The following SLC39A11 variants were observed in gnomAD, a reference collection of about 807,000 sequenced individuals.
The protein encoded by SLC39A11 is zinc transporter ZIP11.
Under a neutral mutation model 36.1 loss-of-function variants are expected in SLC39A11, and 33 were observed. The observed-to-expected ratio is 0.91, with a 90% CI of 0.69 to 1.22. The LOEUF (loss-of-function observed/expected upper bound fraction) is 1.22, where lower values mean the gene tolerates loss of function less well. SLC39A11 is among the 50% of genes most tolerant of loss of function. SLC39A11 has a pLI of 0.00. For synonymous variants in SLC39A11, 166 were observed against 170.3 expected, an observed-to-expected ratio of 0.97 and a Z score of 0.20; for missense variants, 432 against 430.3, an observed-to-expected ratio of 1.00 and a Z score of -0.03.
At chr17:72,715,876 G>C (rs113446849) in intron 7 of SLC39A11, among the ~76,000 whole-genome samples, 3 of 151,770 alleles carry the variant, frequency 2.0e-5, no homozygotes, top group African/African-American at 7.3e-5. Flanking sequence ...TTTGTATTTT[G>C]AGTAGAGACG....
rs577374891 is a variant in SLC39A11 at position 72,806,213 on chromosome 17, C to G, written c.601+43421G>C. On this transcript the variant is annotated intron_variant, in intron 6 of 9. Transcript: ENST00000255559. ...GGTTTATCCTGGCCGCCCCCTCAGC[C>G]GTTACTTTTCCTAGCCAATCTTCAA... 2.0e-5 allele frequency among the ~76,000 whole-genome samples: 3 copies of G among 152,128 alleles called. No homozygotes were observed. The East Asian group carries it at 5.8e-4, about 29-fold the overall frequency.
chr17:72,801,897 A>C (rs2145238384), intron 6 of SLC39A11, among the ~76,000 whole-genome samples: 1 of 152,332 alleles, frequency 6.6e-6, no homozygotes, highest in South Asian at 2.1e-4. Flanking sequence ...AAAAACTTTA[A>C]AACTTTATGA....
At chr17:73,092,278 G>C (rs1242745015) in intron 1 of SLC39A11, 1 of 152,170 alleles carries the variant, frequency 6.6e-6, no homozygotes, top group Non-Finnish European at 1.5e-5. Flanking sequence ...CAGGAATCCC[G>C]GGTACCCCCA....
At chr17:72,668,195 A>C (rs779206840) in intron 7 of SLC39A11, among the ~76,000 whole-genome samples, 1 of 138,060 alleles carries the variant, frequency 7.2e-6, no homozygotes, top group Non-Finnish European at 1.6e-5. Flanking sequence ...GCTGTTTAAG[A>C]ATCTTTTAAA....
intron 6 of SLC39A11, among the ~76,000 whole-genome samples, chr17:72,841,568 C>T (rs1375965300): frequency 1.3e-5 from 2 of 151,554 alleles, no homozygotes; most frequent in East Asian, 3.9e-4. Flanking sequence ...GTCGGGGAGT[C>T]GGGGGAAAGT....
chr17:72,974,957 G>A (rs905800931), intron 4 of SLC39A11, among the ~76,000 whole-genome samples: 26 of 152,150 alleles, frequency 1.7e-4, no homozygotes, highest in African/African-American at 5.3e-4. Flanking sequence ...TTGTAGCCTC[G>A]GAGCAATAGG....
chr17:73,051,563 C>T (rs1160764806), intron 3 of SLC39A11, among the ~76,000 whole-genome samples: 2 of 150,412 alleles, frequency 1.3e-5, no homozygotes, highest in Non-Finnish European at 3.0e-5. Context: ...GAGGGGGAGC[C>T]GTCAAGAGTT....
At chr17:72,868,573 G>A (rs991058609) in intron 5 of SLC39A11, among the ~76,000 whole-genome samples, 2 of 116,962 alleles carry the variant, frequency 1.7e-5, no homozygotes, top group African/African-American at 6.5e-5. Context: ...CTTGAGACCA[G>A]TAGTTCAAGA....
intron 8 of SLC39A11, 23 bp from the exon 9 acceptor site, chr17:72,648,984 T>C: frequency 6.2e-7 from 1 of 1,601,224 alleles, no homozygotes; most frequent in Non-Finnish European, 8.5e-7. Flanking sequence ...CAGAGACATT[T>C]ACCACCGCAG....
intron 6 of SLC39A11, among the ~76,000 whole-genome samples, chr17:72,778,601 G>C (rs1044459170): frequency 6.6e-6 from 1 of 152,224 alleles, no homozygotes; most frequent in Non-Finnish European, 1.5e-5. Flanking sequence ...ATGATGGCCT[G>C]AGACATCTTG....
At chr17:72,776,789 T>C (rs1040910322) in intron 6 of SLC39A11, among the ~76,000 whole-genome samples, 4 of 152,002 alleles carry the variant, frequency 2.6e-5, no homozygotes, top group Admixed American at 6.6e-5. Context: ...ACTTTACAGG[T>C]AGAAAAATAG....
At chr17:73,052,140 G>T (rs886337355) in intron 3 of SLC39A11, among the ~76,000 whole-genome samples, 7 of 150,374 alleles carry the variant, frequency 4.7e-5, no homozygotes, top group Non-Finnish European at 1.0e-4. Context: ...TTAAGTGCAA[G>T]CCCCCCAGTG....
intron 7 of SLC39A11, among the ~76,000 whole-genome samples, chr17:72,680,566 C>T (rs1003612773): frequency 3.3e-5 from 5 of 152,316 alleles, no homozygotes; most frequent in African/African-American, 1.2e-4. Context: ...TCCTCATTTG[C>T]CTTCCGCCAT....
chr17:72,878,443 C>A (rs558365666), intron 5 of SLC39A11, among the ~76,000 whole-genome samples: 1 of 152,286 alleles, frequency 6.6e-6, no homozygotes, highest in Admixed American at 6.5e-5. Flanking sequence ...ACACACCAAG[C>A]TTGTTCCAAC....
rs201794070 is a variant in SLC39A11 at position 72,759,129 on chromosome 17, T to TAATAATAATAATAATAATAATAAA, written c.602-22411_602-22410insTTTATTATTATTATTATTATTATT. ...ATAATAACAATAATAATAATAATAA[T>TAATAATAATAATAATAATAATAAA]AAATAATCTTGGAAAACAATTACAG... is the stretch of plus-strand genomic sequence containing the variant. On this transcript the variant is annotated intron_variant, in intron 6 of 9. Transcript: ENST00000255559. Among the ~76,000 whole-genome samples the TAATAATAATAATAATAATAATAAA allele has an allele frequency of 9.0e-3, 1,358 of 150,842 alleles. 16 individuals are homozygous for TAATAATAATAATAATAATAATAAA. Among genetic ancestry groups the TAATAATAATAATAATAATAATAAA allele is most frequent in the African/African-American group, 0.023 (951 of 41,026 alleles).
intron 4 of SLC39A11, among the ~76,000 whole-genome samples, chr17:72,973,316 C>CGG (rs35862906): frequency 2.8e-4 from 42 of 151,018 alleles, no homozygotes; most frequent in African/African-American, 3.4e-4. Context: ...CCAGCACTGC[C>CGG]GGGGGGGCAC....
At chr17:72,743,248 A>G (rs2074789532) in intron 6 of SLC39A11, among the ~76,000 whole-genome samples, 1 of 151,772 alleles carries the variant, frequency 6.6e-6, no homozygotes, top group Admixed American at 6.6e-5. Flanking sequence ...CCTGCCCCCA[A>G]GTGTCCTCTG....
chr17:72,957,204 T>C (rs1005380921), intron 4 of SLC39A11, among the ~76,000 whole-genome samples: 3 of 152,154 alleles, frequency 2.0e-5, no homozygotes, highest in African/African-American at 4.8e-5. Context: ...AGCAAGTAAA[T>C]GGGTATCCAC....
intron 6 of SLC39A11, among the ~76,000 whole-genome samples, chr17:72,814,185 G>T (rs1040940326): frequency 1.3e-5 from 2 of 152,200 alleles, no homozygotes; most frequent in African/African-American, 4.8e-5. Flanking sequence ...AGCCCCAGGG[G>T]ATTCATGGCT....
Sources: gnomAD v4.1 joint callset for allele counts (sites outside exome capture counted in the v4.1 genomes callset) on GRCh38, gnomAD v4.1.1 for gene constraint, MANE v1.5 for transcripts, NCBI Gene and HGNC (gene_info 2026-07-23, HGNC 2026-07-21) for gene names.